JPH1: variants seen among roughly 807,000 people sequenced by gnomAD.
JPH1 encodes junctophilin 1, also known as junctophilin-1.
JPH1 carries 12 observed loss-of-function variants against 53.6 expected under a neutral mutation model. That is an observed-to-expected ratio of 0.22 (90% confidence interval 0.14 to 0.36). The LOEUF (loss-of-function observed/expected upper bound fraction) is 0.36, where lower values mean the gene tolerates loss of function less well. Ranked by LOEUF, JPH1 falls within the 10% of genes least tolerant of loss-of-function variation. The pLI, the probability that JPH1 is intolerant of heterozygous loss-of-function variation, is 1.00. For synonymous variants in JPH1, 375 were observed against 363.8 expected (o/e 1.03, Z -0.35); for missense variants, 808 against 905.5 (o/e 0.89, Z 1.38).
rs1195886612 is a variant in JPH1, at chr8:74,321,438, C to A, written c.-151G>T. The A allele has an allele frequency of 3.0e-6, 2 of 660,362 alleles. No individual in the cohort carries two copies. The highest frequency in any genetic ancestry group is 4.5e-6 in the Non-Finnish European group (2 of 442,376). 40.9% of individuals were successfully genotyped at this position (660,362 alleles called of 1,614,324 possible). A position where few individuals can be genotyped will look rare whatever the true frequency, so the allele number is the denominator to read the frequency against. On this transcript the variant is annotated 5_prime_UTR_variant, in exon 1 of 6. Coordinates refer to ENST00000342232, the MANE Select transcript of JPH1 (RefSeq NM_020647.4). The surrounding 1 kb of genome is among the most constrained non-coding windows in gnomAD (Gnocchi z 4.3). ...GCTGCCGCTCGGCTCCAGTCCGACGCCGCCCCCGTCCTCCCTCCTCTTTTG... is the reference window on the plus strand; with the variant it reads ...GCTGCCGCTCGGCTCCAGTCCGACGACGCCCCCGTCCTCCCTCCTCTTTTG...
At chr8:74,261,532 A>AT (rs1806395808) in intron 2 of JPH1, among the ~76,000 whole-genome samples, 1 of 152,212 alleles carries the variant, frequency 6.6e-6, no homozygotes, top group South Asian at 2.1e-4. Flanking sequence ...TGGAAATAAC[A>AT]TCAAGAGGGG....
At chr8:74,257,101 C>T (rs148883616) in intron 3 of JPH1, among the ~76,000 whole-genome samples, 18 of 152,258 alleles carry the variant, frequency 1.2e-4, no homozygotes, top group Admixed American at 9.8e-4. Flanking sequence ...ATAATACCCG[C>T]GACAGAAAAG....
At chr8:74,289,000 G>A (rs1426618299) in intron 2 of JPH1, among the ~76,000 whole-genome samples, 2 of 152,152 alleles carry the variant, frequency 1.3e-5, no homozygotes, top group Non-Finnish European at 2.9e-5. Context: ...TTACCTAAGA[G>A]TTTAGTGCTG....
At chr8:74,259,166 T>G (rs1372917369) in intron 3 of JPH1, among the ~76,000 whole-genome samples, 1 of 152,226 alleles carries the variant, frequency 6.6e-6, no homozygotes, top group Non-Finnish European at 1.5e-5. Context: ...ACTGTGTACA[T>G]GCAAATACAG....
At chr8:74,288,975 C>A (rs1374438949) in intron 2 of JPH1, among the ~76,000 whole-genome samples, 1 of 152,148 alleles carries the variant, frequency 6.6e-6, no homozygotes, top group African/African-American at 2.4e-5. Context: ...TTCTTTTGTG[C>A]ATGGAGTGAA....
chr8:74,309,906 A>C (rs1035523086), intron 2 of JPH1, among the ~76,000 whole-genome samples: 1 of 152,184 alleles, frequency 6.6e-6, no homozygotes, highest in African/African-American at 2.4e-5. Context: ...TCCTCTACCA[A>C]AACAGATTCT....
rs201438401 is a variant in JPH1 at position 74,237,317 on chromosome 8, A to G, written c.1906-14T>C. The G allele has an allele frequency of 1.4e-5, 23 of 1,591,972 alleles. No individual in the cohort carries two copies. The East Asian group carries it at 4.7e-4, about 32-fold the overall frequency. On this transcript the variant is annotated splice_polypyrimidine_tract_variant and intron_variant, in intron 4 of 5. Coordinates refer to ENST00000342232, the MANE Select transcript of JPH1 (RefSeq NM_020647.4). ...TGAATTAGGGCCCTGAAAATGAAAGAGAACAAAGTAACTATAACTTCTCCA... is the reference window on the plus strand; with the variant it reads ...TGAATTAGGGCCCTGAAAATGAAAGGGAACAAAGTAACTATAACTTCTCCA...
At position 74,259,454 on chromosome 8, in the gene JPH1, C is replaced by A. The variant is rs1806328841; in HGVS notation, c.1189G>T (p.Ala397Ser). Residue 397 changes from alanine (A) to serine (S), a missense_variant, in exon 3 of 6, where the codon GCC (alanine) becomes TCC (serine). Coordinates refer to ENST00000342232, the MANE Select transcript of JPH1 (RefSeq NM_020647.4). The stretch of plus-strand genomic sequence containing the variant: ...GCGATGTCGCACTCCTGGCGAGCGG[C>A]CAGCGCGGCCTGGTCGGCGGCATCG... Reference protein sequence around the residue: ...KADAADQAALAARQECDIARA... With the variant: ...KADAADQAALSARQECDIARA... 1 of 1,613,366 alleles carries A rather than the reference C, an allele frequency of 6.2e-7. No individual in the cohort carries two copies. Among genetic ancestry groups the A allele is most frequent in the Non-Finnish European group, 8.5e-7 (1 of 1,179,618 alleles).
chr8:74,315,399 C>T lies in JPH1; in HGVS notation c.601G>A (p.Ala201Thr), dbSNP rs1379366722. 3.1e-6 allele frequency: 5 copies of T among 1,612,538 alleles called. No individual in the cohort carries two copies. Among genetic ancestry groups the T allele is most frequent in the African/African-American group, 1.3e-5 (1 of 75,020 alleles). Residue 201 changes from alanine to threonine, a missense_variant, in exon 2 of 6, where the codon GCT (alanine) becomes ACT (threonine). Around this residue, in one of 2 missense-constraint regions of JPH1, gnomAD observed 756 missense variants for 811.9 expected, o/e 0.93. Coordinates refer to ENST00000342232, the MANE Select transcript of JPH1 (RefSeq NM_020647.4). This position sits in a 1 kb window ranked among gnomAD's most constrained non-coding sequence, Gnocchi z 6.3. ...GGFVLNFHAD[A>T]ELAGKKKGGL... The stretch of plus-strand genomic sequence containing the variant: ...CCCTTCTTCTTGCCCGCTAGCTCAG[C>T]GTCTGCGTGGAAGTTGAGCACGAAA...
intron 2 of JPH1, among the ~76,000 whole-genome samples, chr8:74,285,017 G>T (rs1348453376): frequency 1.3e-5 from 2 of 151,878 alleles, no homozygotes; most frequent in Admixed American, 1.3e-4. Context: ...TAGAGATGGG[G>T]TTTCACCATG....
At chr8:74,300,306 TAAAC>T (rs1807639520) in intron 2 of JPH1, among the ~76,000 whole-genome samples, 1 of 152,218 alleles carries the variant, frequency 6.6e-6, no homozygotes, top group Non-Finnish European at 1.5e-5. Context: ...AGAGCACTAA[TAAAC>T]AAATACGGGA....
At chr8:74,244,389 T>C (rs1231508404) in intron 4 of JPH1, 140 bp downstream of exon 4, 1 of 850,398 alleles carries the variant, frequency 1.2e-6, no homozygotes, top group Non-Finnish European at 1.8e-6. Context: ...TACCAATGTG[T>C]TATGTGCTGC....
intron 1 of JPH1, among the ~76,000 whole-genome samples, chr8:74,319,377 G>C (rs182056212): frequency 0.011 from 1,738 of 152,188 alleles, 14 homozygotes; most frequent in Middle Eastern, 0.031. Context: ...TAGAGCTGGG[G>C]CCTCCAACAA....
intron 2 of JPH1, among the ~76,000 whole-genome samples, chr8:74,296,800 T>C (rs1807534735): frequency 6.6e-6 from 1 of 152,218 alleles, no homozygotes; most frequent in Non-Finnish European, 1.5e-5. Flanking sequence ...TGCTTTGATA[T>C]ATGGATACAC....
chr8:74,260,863 G>A (rs151214094), intron 2 of JPH1, among the ~76,000 whole-genome samples: 2 of 152,290 alleles, frequency 1.3e-5, no homozygotes, highest in Non-Finnish European at 2.9e-5. Flanking sequence ...AAGGCTTGAT[G>A]TATTAGAATG....
At position 74,320,311 on chromosome 8, in the gene JPH1, A is replaced by G. The variant is rs1345193770; in HGVS notation, c.379+598T>C. On this transcript the variant is annotated intron_variant, in intron 1 of 5. Coordinates refer to ENST00000342232, the MANE Select transcript of JPH1 (RefSeq NM_020647.4). This position sits in a 1 kb window ranked among gnomAD's most constrained non-coding sequence, Gnocchi z 4.4. ...TGCATCAGGTGGCCTTTCTGCTCCC[A>G]TAACTAGGACGTTTCCAAATGCACC... Among the ~76,000 whole-genome samples, 1 of 152,148 alleles carries G rather than the reference A, an allele frequency of 6.6e-6. No homozygotes were observed. Among genetic ancestry groups the G allele is most frequent in the Non-Finnish European group, 1.5e-5 (1 of 68,022 alleles).
intron 2 of JPH1, among the ~76,000 whole-genome samples, chr8:74,285,415 T>C (rs1324106739): frequency 6.6e-6 from 1 of 152,078 alleles, no homozygotes; most frequent in Non-Finnish European, 1.5e-5. Flanking sequence ...CTTTATGTAA[T>C]GATATGGAAT....
intron 1 of JPH1, among the ~76,000 whole-genome samples, chr8:74,317,986 A>G (rs1291229042): frequency 6.6e-6 from 1 of 152,190 alleles, no homozygotes; most frequent in African/African-American, 2.4e-5. Context: ...TTCCTCTCCT[A>G]TTTTGTTAAA....
At chr8:74,264,334 G>A (rs186781322) in intron 2 of JPH1, among the ~76,000 whole-genome samples, 135 of 152,192 alleles carry the variant, frequency 8.9e-4, no homozygotes, top group African/African-American at 2.4e-4. Flanking sequence ...GAGATAGGAC[G>A]TGGAATAATA....
Sources: gnomAD v4.1 joint callset for allele counts (sites outside exome capture counted in the v4.1 genomes callset) on GRCh38, gnomAD v4.1.1 for gene constraint, gnomAD v4.1.1 regional missense constraint, Gnocchi (gnomAD v3.1) non-coding constraint, MANE v1.5 for transcripts, NCBI Gene and HGNC (gene_info 2026-07-23, HGNC 2026-07-21) for gene names.